ADGRV1: variants seen among roughly 807,000 people sequenced by gnomAD.
ADGRV1 encodes adhesion G protein-coupled receptor V1.
ADGRV1 carries 359 observed loss-of-function variants against 596.2 expected under a neutral mutation model. That is an observed-to-expected ratio of 0.60 (90% confidence interval 0.55 to 0.66). The LOEUF is 0.66. Ranked by LOEUF, ADGRV1 falls within the 30% of genes least tolerant of loss-of-function variation. ADGRV1 has a pLI of 0.00. For synonymous variants in ADGRV1, 2,681 were observed against 2,679.2 expected, an observed-to-expected ratio of 1.00 and a Z score of -0.02; for missense variants, 7,274 against 7,575.6, an observed-to-expected ratio of 0.96 and a Z score of 1.48.
rs1204961070 is a variant in ADGRV1 at position 90,858,476 on chromosome 5, C to CT, written c.17755+2585dup. 8.5e-3 allele frequency among the ~76,000 whole-genome samples: 1,269 copies of CT among 148,692 alleles called. 22 individuals carry two copies. Among genetic ancestry groups the CT allele is most frequent in the African/African-American group, 0.029 (1,189 of 40,586 alleles). ...AATACAAGTCTTATAGTCTTGTAAT[C>CT]TTTTTTTTTTGAGACAGAGCACCAC... On this transcript the variant is annotated intron_variant, in intron 82 of 89. Coordinates refer to ENST00000405460, the MANE Select transcript of ADGRV1 (RefSeq NM_032119.4).
intron 1 of ADGRV1, among the ~76,000 whole-genome samples, chr5:90,601,258 G>C (rs975649647): frequency 3.3e-5 from 5 of 151,548 alleles, no homozygotes; most frequent in Admixed American, 1.3e-4. Context: ...AAGCAGCAAG[G>C]GAAAACGAAT....
chr5:90,998,880 T>A (rs1231180695), intron 85 of ADGRV1, among the ~76,000 whole-genome samples: 2 of 152,074 alleles, frequency 1.3e-5, no homozygotes, highest in Non-Finnish European at 2.9e-5. Flanking sequence ...TTTCTTTAAT[T>A]ATTAGTTATG....
Position 90,649,058 on chromosome 5 carries a change from C to A in ADGRV1, c.3289+1294C>A, listed in dbSNP as rs1347680876. Among the ~76,000 whole-genome samples, 3 of 152,126 alleles carry A rather than the reference C, an allele frequency of 2.0e-5. No homozygotes were observed. The East Asian group carries it at 5.8e-4, about 29-fold the overall frequency. On this transcript the variant is annotated intron_variant, in intron 17 of 89. Transcript: ENST00000405460. ...CTCACTCTGTCACCAGGCTGGAGTG[C>A]AGTGGTGCAATCTCGGCTCACTGCA...
chr5:91,084,220 G>A (rs1038764666), intron 86 of ADGRV1, among the ~76,000 whole-genome samples: 5 of 151,940 alleles, frequency 3.3e-5, no homozygotes, highest in African/African-American at 1.2e-4. Flanking sequence ...AACTGTTAAG[G>A]ATATTTTCAC....
chr5:90,770,449 G>T (rs567408127), intron 59 of ADGRV1, among the ~76,000 whole-genome samples: 1 of 152,086 alleles, frequency 6.6e-6, no homozygotes, highest in African/African-American at 2.4e-5. Flanking sequence ...GGTTCATGGC[G>T]TGGAATGTGT....
At chr5:91,152,089 GGGTGT>G (rs1796110390) in intron 88 of ADGRV1, among the ~76,000 whole-genome samples, 1 of 152,198 alleles carries the variant, frequency 6.6e-6, no homozygotes, top group Non-Finnish European at 1.5e-5. Flanking sequence ...GTGCTCACTT[GGGTGT>G]TGTGCAACAG....
At chr5:90,700,906 T>C (rs925393574) in intron 34 of ADGRV1, among the ~76,000 whole-genome samples, 2 of 152,144 alleles carry the variant, frequency 1.3e-5, no homozygotes, top group Non-Finnish European at 2.9e-5. Flanking sequence ...GGTTTTCCAT[T>C]AGTTTTATGT....
rs1045540290 is a variant in ADGRV1 at position 90,967,092 on chromosome 5, G to C, written c.17973+1561G>C. On this transcript the variant is annotated intron_variant, in intron 84 of 89. Coordinates refer to ENST00000405460, the MANE Select transcript of ADGRV1 (RefSeq NM_032119.4). ...TACCACACAGGCTCAAGGAAGGGTT[G>C]TTTTCCCCAGTATGATATGATAGTA... Among the ~76,000 whole-genome samples, 42 of 152,126 alleles carry C rather than the reference G, an allele frequency of 2.8e-4. 1 individual carries two copies. Among genetic ancestry groups the C allele is most frequent in the Admixed American group, 2.6e-3 (40 of 15,268 alleles).
chr5:90,958,337 A>ATATT (rs1190671695), intron 83 of ADGRV1, among the ~76,000 whole-genome samples: 1 of 151,710 alleles, frequency 6.6e-6, no homozygotes, highest in Non-Finnish European at 1.5e-5. Flanking sequence ...AGAAAAAGAA[A>ATATT]TATTTTGGAT....
chr5:90,799,909 C>G (rs2150175347), intron 70 of ADGRV1, among the ~76,000 whole-genome samples: 1 of 152,264 alleles, frequency 6.6e-6, no homozygotes, highest in Non-Finnish European at 1.5e-5. Context: ...CTTCCTTATA[C>G]CTTATACAAA....
chr5:90,783,733 G>C (rs1396033859), intron 66 of ADGRV1, 105 bp from the exon 67 acceptor site: 3 of 755,270 alleles, frequency 4.0e-6, no homozygotes, highest in Non-Finnish European at 4.3e-6. Context: ...TGTGACTACT[G>C]TGCCTTGAAT....
intron 85 of ADGRV1, among the ~76,000 whole-genome samples, chr5:91,001,784 A>AG (rs1158616586): frequency 6.4e-4 from 97 of 152,056 alleles, no homozygotes; most frequent in African/African-American, 1.7e-3. Flanking sequence ...TTCATTTTGG[A>AG]GGGTTCTTTT....
chr5:90,779,802 A>G (rs1455388863), intron 64 of ADGRV1: 2 of 152,184 alleles, frequency 1.3e-5, no homozygotes, highest in African/African-American at 4.8e-5. Context: ...CCCTTCAACT[A>G]GAGTAATGCC....
Position 90,855,835 on chromosome 5 carries a change from G to T in ADGRV1, c.17689G>T (p.Ala5897Ser). 1.2e-6 allele frequency: 2 copies of T among 1,613,022 alleles called. No homozygotes were observed. The highest frequency in any genetic ancestry group is 1.7e-6 in the Non-Finnish European group (2 of 1,179,148). Residue 5897 changes from alanine to serine, a missense_variant, in exon 82 of 90, where the codon GCT (alanine) becomes TCT (serine). By Grantham distance (99) the Ala-to-Ser change is moderately conservative. Around this residue, in one of 5 missense-constraint regions of ADGRV1, gnomAD observed 1,874 missense variants for 1,970.2 expected, o/e 0.95. Coordinates refer to ENST00000405460, the MANE Select transcript of ADGRV1 (RefSeq NM_032119.4). ...ACACATGTCTGTGTATGCTGTCTAT[G>T]CTCGGACTGACAACTTGTCTTCATA... ...CSHMSVYAVY[A>S]RTDNLSSYNE...
At chr5:91,024,657 TA>T (rs1024797123) in intron 85 of ADGRV1, among the ~76,000 whole-genome samples, 10 of 152,046 alleles carry the variant, frequency 6.6e-5, no homozygotes, top group African/African-American at 1.9e-4. Context: ...TTTTTGTTAT[TA>T]AAAAAAAGTT....
chr5:91,075,271 G>A (rs750937890), intron 86 of ADGRV1, among the ~76,000 whole-genome samples: 30 of 152,062 alleles, frequency 2.0e-4, no homozygotes, highest in Non-Finnish European at 3.4e-4. Flanking sequence ...GGGGAGAATG[G>A]TGGTTTGTTT....
At chr5:90,632,187 GTCTTGCATAATC>G (rs1765593045) in intron 9 of ADGRV1, among the ~76,000 whole-genome samples, 1 of 152,052 alleles carries the variant, frequency 6.6e-6, no homozygotes, top group Admixed American at 6.6e-5. Flanking sequence ...TTTGTCTCCA[GTCTTGCATAATC>G]TACAACTCAT....
intron 87 of ADGRV1, among the ~76,000 whole-genome samples, chr5:91,120,683 G>A (rs1793233577): frequency 6.6e-6 from 1 of 152,126 alleles, no homozygotes; most frequent in Non-Finnish European, 1.5e-5. Context: ...AGAGAGGAGG[G>A]AGAGTCTGGA....
At chr5:90,631,940 A>G in intron 9 of ADGRV1, among the ~76,000 whole-genome samples, 1 of 152,238 alleles carries the variant, frequency 6.6e-6, no homozygotes, top group East Asian at 1.9e-4. Flanking sequence ...TTTTATTAAT[A>G]TGGAAGTGCA....
Sources: gnomAD v4.1 joint callset for allele counts (sites outside exome capture counted in the v4.1 genomes callset) on GRCh38, gnomAD v4.1.1 for gene constraint, gnomAD v4.1.1 regional missense constraint, MANE v1.5 for transcripts, NCBI Gene and HGNC (gene_info 2026-07-23, HGNC 2026-07-21) for gene names.